CNKSR3: variants seen among roughly 807,000 people sequenced by gnomAD.
The protein encoded by CNKSR3 is connector enhancer of kinase suppressor of ras 3.
Under a neutral mutation model 67.7 loss-of-function variants are expected in CNKSR3, and 36 were observed. The observed-to-expected ratio is 0.53, with a 90% confidence interval of 0.41 to 0.70. CNKSR3 has a LOEUF of 0.70. Ranked by LOEUF, CNKSR3 falls within the 30% of genes least tolerant of loss-of-function variation. The pLI, the probability that CNKSR3 is intolerant of heterozygous loss-of-function variation, is 0.00. For synonymous variants in CNKSR3, 281 were observed against 271.4 expected (o/e 1.04, Z -0.35); for missense variants, 630 against 695.2 (o/e 0.91, Z 1.05).
chr6:154,499,977 A>T (rs1786949581), intron 1 of CNKSR3, among the ~76,000 whole-genome samples: 1 of 152,154 alleles, frequency 6.6e-6, no homozygotes, highest in Non-Finnish European at 1.5e-5. Context: ...TTAAGGCTTT[A>T]GTGTACAGAG....
At chr6:154,463,786 T>G (rs1786134927) in intron 1 of CNKSR3, among the ~76,000 whole-genome samples, 1 of 152,150 alleles carries the variant, frequency 6.6e-6, no homozygotes, top group South Asian at 2.1e-4. Context: ...CTAAGTGACC[T>G]CAATCAGATC....
At chr6:154,408,584 G>C (rs1178569100) in intron 12 of CNKSR3, among the ~76,000 whole-genome samples, 1 of 152,188 alleles carries the variant, frequency 6.6e-6, no homozygotes, top group East Asian at 1.9e-4. Flanking sequence ...GTCCAGAACA[G>C]GCAAATCCAC....
rs1784696822 is a variant in CNKSR3, at chr6:154,399,753, T to G, written c.*6601A>C. ...TTCTTCCTTCAGAGACAATCTTACT[T>G]TATATTAAACTTCATTTCTGAAGCT... On this transcript the variant is annotated 3_prime_UTR_variant, in exon 13 of 13. Transcript: ENST00000607772. 6.6e-6 allele frequency: 1 copy of G among 152,052 alleles called. No individual in the cohort carries two copies. The highest frequency in any genetic ancestry group is 1.9e-4 in the East Asian group (1 of 5,196). 9.4% of individuals were successfully genotyped at this position (152,052 alleles called of 1,614,324 possible). A position where few individuals can be genotyped will look rare whatever the true frequency, so the allele number is the denominator to read the frequency against.
At chr6:154,484,495 G>A (rs1346114799) in intron 1 of CNKSR3, among the ~76,000 whole-genome samples, 1 of 152,070 alleles carries the variant, frequency 6.6e-6, no homozygotes, top group African/African-American at 2.4e-5. Context: ...CACAAGGTCA[G>A]GAGTTCGAGA....
chr6:154,474,971 T>C (rs2114631730), intron 1 of CNKSR3, among the ~76,000 whole-genome samples: 1 of 152,316 alleles, frequency 6.6e-6, no homozygotes, highest in South Asian at 2.1e-4. Context: ...GCGGAAGAGC[T>C]GGCCCAAGGA....
chr6:154,441,940 A>G (rs1785598831), intron 3 of CNKSR3, 148 bp downstream of exon 3: 2 of 668,080 alleles, frequency 3.0e-6, no homozygotes, highest in Non-Finnish European at 4.8e-6. Flanking sequence ...GAATCCTAAA[A>G]TCTACCACTG....
chr6:154,414,315 C>T lies in CNKSR3; in HGVS notation c.1054G>A (p.Val352Ile). 2 of 1,604,942 alleles carry T rather than the reference C, an allele frequency of 1.2e-6. No homozygotes were observed. The highest frequency in any genetic ancestry group is 1.7e-6 in the Non-Finnish European group (2 of 1,176,292). ...GCAACATACCGGGGAGAGTAGGGAA[C>T]AGCAGGCGGAGGAGGAATATAAAGA... ...LDLYIPPPPA[V>I]PYSPRDENGS... Residue 352 changes from valine (V) to isoleucine (I), a missense_variant, in exon 10 of 13, where the codon GTT becomes ATT. Physicochemically the swap from Val to Ile is conservative, Grantham distance 29 (BLOSUM62 3). Coordinates refer to ENST00000607772, the MANE Select transcript of CNKSR3 (RefSeq NM_173515.4).
At chr6:154,509,996 TC>T (rs1787181773) in intron 1 of CNKSR3, 66 bp downstream of exon 1, 4 of 1,569,318 alleles carry the variant, frequency 2.5e-6, no homozygotes, top group Admixed American at 3.3e-5. Context: ...AGTACCCTCT[TC>T]CCCAGCTCCT....
intron 1 of CNKSR3, among the ~76,000 whole-genome samples, chr6:154,487,061 G>A (rs1002153044): frequency 9.9e-5 from 15 of 151,636 alleles, no homozygotes; most frequent in South Asian, 2.1e-4. Flanking sequence ...ACAGGCACGT[G>A]CCACCACACC....
chr6:154,476,380 C>A (rs1786450297), intron 1 of CNKSR3, among the ~76,000 whole-genome samples: 1 of 151,610 alleles, frequency 6.6e-6, no homozygotes, highest in Admixed American at 6.6e-5. Context: ...TCACTTGAAC[C>A]CAGGAGGCGG....
At chr6:154,480,842 A>C (rs189527016) in intron 1 of CNKSR3, among the ~76,000 whole-genome samples, 62 of 152,338 alleles carry the variant, frequency 4.1e-4, no homozygotes, top group African/African-American at 1.1e-3. Context: ...GCATGATCCC[A>C]TATCTTTAAG....
chr6:154,489,410 AGTCCCAGCTACTTGGGAGGCTGAG>A (rs1053687805), intron 1 of CNKSR3, among the ~76,000 whole-genome samples: 1 of 152,196 alleles, frequency 6.6e-6, no homozygotes, highest in African/African-American at 2.4e-5. Flanking sequence ...GCACGCCTGT[AGTCCCAGCTACTTGGGAGGCTGAG>A]GCACAAGAAT....
intron 1 of CNKSR3, among the ~76,000 whole-genome samples, chr6:154,503,746 G>T (rs1359574312): frequency 6.6e-6 from 1 of 152,014 alleles, no homozygotes; most frequent in South Asian, 2.1e-4. Context: ...GCTGTTGCTA[G>T]GTGGTGCTTA....
intron 1 of CNKSR3, among the ~76,000 whole-genome samples, chr6:154,474,656 G>C (rs1258654996): frequency 6.6e-6 from 1 of 152,164 alleles, no homozygotes; most frequent in Admixed American, 6.5e-5. Context: ...ATCCGGATGT[G>C]GGGTGGTGTG....
chr6:154,503,552 T>C (rs146602379), intron 1 of CNKSR3, among the ~76,000 whole-genome samples: 1 of 150,918 alleles, frequency 6.6e-6, no homozygotes, highest in Non-Finnish European at 1.5e-5. Flanking sequence ...CACTCAAGCC[T>C]CAAGCCCTGG....
At chr6:154,451,167 T>C (rs566749770) in intron 1 of CNKSR3, among the ~76,000 whole-genome samples, 60 of 152,308 alleles carry the variant, frequency 3.9e-4, no homozygotes, top group African/African-American at 1.4e-3. Flanking sequence ...TCAAACACTA[T>C]GGCCAAAAGT....
At chr6:154,456,044 G>T (rs1367121095) in intron 1 of CNKSR3, among the ~76,000 whole-genome samples, 1 of 152,014 alleles carries the variant, frequency 6.6e-6, no homozygotes, top group African/African-American at 2.4e-5. Flanking sequence ...AAAAACTATG[G>T]CTATTCTCAT....
intron 12 of CNKSR3, among the ~76,000 whole-genome samples, chr6:154,409,142 G>T (rs184241437): frequency 2.0e-5 from 3 of 152,258 alleles, no homozygotes; most frequent in Admixed American, 6.5e-5. Flanking sequence ...CAGGTGATAT[G>T]GGTACTTAGG....
At chr6:154,408,434 C>T (rs1378434865) in intron 12 of CNKSR3, among the ~76,000 whole-genome samples, 1 of 152,196 alleles carries the variant, frequency 6.6e-6, no homozygotes, top group Non-Finnish European at 1.5e-5. Context: ...GAAACAGATT[C>T]CAGCTGAGTT....
Sources: gnomAD v4.1 joint callset for allele counts (sites outside exome capture counted in the v4.1 genomes callset) on GRCh38, gnomAD v4.1.1 for gene constraint, MANE v1.5 for transcripts, NCBI Gene and HGNC (gene_info 2026-07-23, HGNC 2026-07-21) for gene names.